VAV3: variants seen among roughly 807,000 people sequenced by gnomAD.
VAV3 encodes the protein vav guanine nucleotide exchange factor 3.
A neutral mutation model predicts 131.2 loss-of-function variants in VAV3; 94 were observed. That is an observed-to-expected ratio of 0.72 (90% CI 0.61 to 0.85). The LOEUF is 0.85. Ranked by LOEUF, VAV3 falls within the 40% of genes least tolerant of loss-of-function variation. The pLI is 0.00. For missense variants in VAV3, 939 were observed against 1,002.7 expected (o/e 0.94, Z 0.86); for synonymous variants, 349 against 342.0 (o/e 1.02, Z -0.22).
chr1:107,624,455 T>A (rs1223361016), intron 20 of VAV3, among the ~76,000 whole-genome samples: 5 of 148,476 alleles, frequency 3.4e-5, no homozygotes, highest in South Asian at 2.2e-4. Flanking sequence ...AAAAAAAAAA[T>A]TTGGCAACAA....
chr1:107,888,754 G>A (rs72689625), intron 1 of VAV3, among the ~76,000 whole-genome samples: 10,400 of 151,950 alleles, frequency 0.068, 479 homozygotes, highest in East Asian at 0.21. Context: ...CCACTGGGCC[G>A]GGCCTACCCT....
chr1:107,686,094 T>C (rs1659011623), intron 18 of VAV3: 1 of 151,808 alleles, frequency 6.6e-6, no homozygotes, highest in Non-Finnish European at 1.5e-5. Flanking sequence ...AGTTATTTCT[T>C]GCCTCATTAC....
intron 2 of VAV3, among the ~76,000 whole-genome samples, chr1:107,839,258 C>T (rs192267534): frequency 6.6e-6 from 1 of 152,132 alleles, no homozygotes; most frequent in Non-Finnish European, 1.5e-5. Context: ...AAATACAAAA[C>T]TGATAACCTA....
intron 2 of VAV3, among the ~76,000 whole-genome samples, chr1:107,844,665 C>T (rs1237651244): frequency 2.0e-5 from 3 of 152,126 alleles, no homozygotes; most frequent in African/African-American, 4.8e-5. Flanking sequence ...GTTTTCCCCT[C>T]ACAGTATAAA....
In VAV3 at chr1:107,638,645, C is replaced by T. The variant is rs553302681; in HGVS notation, c.1914+3974G>A. ...AATGAGATTCCAATCAAAATCTCAA[C>T]AAGCTTTTTTATTGGTGAAGTTGAC... On this transcript the variant is annotated intron_variant, in intron 20 of 26. Coordinates refer to ENST00000370056, the MANE Select transcript of VAV3 (RefSeq NM_006113.5). 3.3e-5 allele frequency among the ~76,000 whole-genome samples: 5 copies of T among 152,218 alleles called. No individual in the cohort carries two copies. In the South Asian group the frequency reaches 1.0e-3, roughly 32 times the overall value.
intron 2 of VAV3, among the ~76,000 whole-genome samples, chr1:107,791,547 C>A (rs185001875): frequency 1.6e-4 from 25 of 152,290 alleles, no homozygotes; most frequent in African/African-American, 4.6e-4. Context: ...ATGGCAGAGA[C>A]CCTGGCTGAA....
intron 7 of VAV3, 148 bp from the exon 8 acceptor site, chr1:107,766,698 G>T: frequency 1.5e-6 from 1 of 645,508 alleles, no homozygotes; most frequent in Non-Finnish European, 2.7e-6. Flanking sequence ...AATAAAGAGA[G>T]AGGGAAAAGG....
intron 15 of VAV3, among the ~76,000 whole-genome samples, chr1:107,740,755 C>T (rs569494950): frequency 5.0e-4 from 76 of 152,292 alleles, no homozygotes; most frequent in Admixed American, 1.2e-3. Context: ...CTACAGCCCA[C>T]GGGCCAAATA....
At chr1:107,597,857 C>T (rs1651514184) in intron 24 of VAV3, among the ~76,000 whole-genome samples, 3 of 152,142 alleles carry the variant, frequency 2.0e-5, no homozygotes, top group Admixed American at 2.0e-4. Flanking sequence ...ACAGCTACCC[C>T]ATTATCCCAT....
At chr1:107,649,448 G>C (rs1655994389) in intron 19 of VAV3, among the ~76,000 whole-genome samples, 1 of 152,076 alleles carries the variant, frequency 6.6e-6, no homozygotes. Flanking sequence ...AGATGACTGA[G>C]ATCACTAGTT....
intron 1 of VAV3, among the ~76,000 whole-genome samples, chr1:107,910,281 G>T (rs1672305078): frequency 6.6e-6 from 1 of 152,096 alleles, no homozygotes; most frequent in Non-Finnish European, 1.5e-5. Context: ...ATAAACATCT[G>T]CCATGGGTCA....
At chr1:107,807,278 C>T (rs981635362) in intron 2 of VAV3, among the ~76,000 whole-genome samples, 1 of 152,146 alleles carries the variant, frequency 6.6e-6, no homozygotes, top group Non-Finnish European at 1.5e-5. Flanking sequence ...AAGAGTAGAG[C>T]TGGAAGCCAC....
At chr1:107,657,035 C>A (rs185616257) in intron 19 of VAV3, among the ~76,000 whole-genome samples, 2 of 146,834 alleles carry the variant, frequency 1.4e-5, no homozygotes, top group African/African-American at 5.1e-5. Context: ...CTCACTGCAG[C>A]CTCTGTCTCC....
chr1:107,647,836 C>T (rs1291370888), intron 19 of VAV3, among the ~76,000 whole-genome samples: 6 of 152,040 alleles, frequency 3.9e-5, no homozygotes, highest in African/African-American at 1.2e-4. Context: ...TATAAATTAA[C>T]ATCTGGACCT....
At chr1:107,789,128 A>G (rs1666159478) in intron 2 of VAV3, among the ~76,000 whole-genome samples, 1 of 152,216 alleles carries the variant, frequency 6.6e-6, no homozygotes, top group Non-Finnish European at 1.5e-5. Context: ...GATCTGAAAT[A>G]GACTTGGAGA....
rs1245161887 is a variant in VAV3 at position 107,596,197 on chromosome 1, A to C, written c.2350+15T>G. 3.7e-6 allele frequency: 6 copies of C among 1,602,470 alleles called. No individual in the cohort carries two copies. Among genetic ancestry groups the C allele is most frequent in the Non-Finnish European group, 5.1e-6 (6 of 1,176,344 alleles). ...TTAAGTGACAGCAAATTGTATTCTCAATTACAATACTTACAGCTGTTGCCT... is the reference window on the plus strand; with the variant it reads ...TTAAGTGACAGCAAATTGTATTCTCCATTACAATACTTACAGCTGTTGCCT... On this transcript the variant is annotated intron_variant, in intron 25 of 26. Transcript: ENST00000370056.
chr1:107,751,076 A>G (rs1285826110), intron 13 of VAV3, 41 bp downstream of exon 13: 3 of 1,570,312 alleles, frequency 1.9e-6, no homozygotes, highest in African/African-American at 2.7e-5. Flanking sequence ...GTTTTCTGAC[A>G]CTAATTACTT....
chr1:107,950,813 A>T (rs932159923), intron 1 of VAV3, among the ~76,000 whole-genome samples: 4 of 152,212 alleles, frequency 2.6e-5, no homozygotes, highest in Admixed American at 6.5e-5. Flanking sequence ...GATATCAGTC[A>T]ACTAAAGAGC....
intron 7 of VAV3, 106 bp from the exon 8 acceptor site, chr1:107,766,656 G>C: frequency 1.3e-6 from 1 of 774,976 alleles, no homozygotes; most frequent in Non-Finnish European, 2.2e-6. Context: ...AGGATATGCT[G>C]AATGCTCTCA....
Sources: allele counts gnomAD v4.1 joint callset (sites outside exome capture counted in the v4.1 genomes callset), GRCh38; gene constraint gnomAD v4.1.1; transcripts MANE v1.5; gene names NCBI Gene and HGNC (gene_info 2026-07-23, HGNC 2026-07-21).